Variants in ATP13A1 observed in about 807,000 individuals in gnomAD.
The protein encoded by ATP13A1 is ATPase 13A1.
ATP13A1 carries 55 observed loss-of-function variants against 134.8 expected under a neutral mutation model. That is an observed-to-expected ratio of 0.41 (90% CI 0.33 to 0.51). The LOEUF is 0.51. Among genes scored for constraint, ATP13A1 ranks in the 20% least tolerant of loss-of-function variants. The pLI is 0.29. For synonymous variants in ATP13A1, 775 were observed against 725.1 expected (o/e 1.07, Z -1.10); for missense variants, 1,389 against 1,652.8 (o/e 0.84, Z 2.77).
Position 19,659,931 on chromosome 19 carries a change from G to A in ATP13A1, c.453C>T (p.Gly151=). ...FVKVVPTPNN[G]STELVALHRN... is the part of the protein sequence containing the mutation. ...GGTGCAGGGCCACGAGCTCCGTGGA[G>A]CCATTGTTGGGGGTTGGCACCACCT... is the stretch of plus-strand genomic sequence containing the variant. Residue 151 remains glycine (G), a synonymous_variant, in exon 2 of 26, where the codon GGC becomes GGT. Transcript: ENST00000357324. The A allele has an allele frequency of 6.3e-7, 1 of 1,586,978 alleles. No individual in the cohort carries two copies. Among genetic ancestry groups the A allele is most frequent in the South Asian group, 1.1e-5 (1 of 87,488 alleles).
intron 23 of ATP13A1, 30 bp from the exon 24 acceptor site, chr19:19,646,015 C>CT: frequency 6.2e-7 from 1 of 1,607,722 alleles, no homozygotes; most frequent in Middle Eastern, 1.7e-4. Flanking sequence ...TCAGGGCCCC[C>CT]TCTCCTGCTC....
Position 19,655,521 on chromosome 19 carries a change from C to T in ATP13A1, c.1396+7G>A, listed in dbSNP as rs753228080. On this transcript the variant is annotated splice_region_variant and intron_variant, in intron 10 of 25. Transcript: ENST00000357324. This position sits in a 1 kb window ranked among gnomAD's most constrained non-coding sequence, Gnocchi z 5.7. The stretch of plus-strand genomic sequence containing the variant: ...GCGCAGGGGACCACAGAGGCCGTGG[C>T]GCTTACCTTCAATCCATACATAGGC... The T allele has an allele frequency of 2.1e-5, 34 of 1,613,944 alleles. No individual in the cohort carries two copies. The highest frequency in any genetic ancestry group is 1.1e-4 in the East Asian group (5 of 44,880).
At position 19,653,811 on chromosome 19, in the gene ATP13A1, C is replaced by T. The variant is rs1174601742; in HGVS notation, c.2073G>A (p.Lys691=). 6.4e-7 allele frequency: 1 copy of T among 1,555,180 alleles called. No homozygotes were observed. The change falls in exon 15 of 26, where the codon AAG becomes AAA. Residue 691 remains lysine (K), a synonymous_variant. Coordinates refer to ENST00000357324, the MANE Select transcript of ATP13A1 (RefSeq NM_020410.3). This position sits in a 1 kb window ranked among gnomAD's most constrained non-coding sequence, Gnocchi z 4.2. The stretch of plus-strand genomic sequence containing the variant: ...GCTGGTGAGTGAGGTGTCCCAGCTC[C>T]TTGTACCCCAGCGCCAGGACGCGGG... ...EGARVLALGY[K]ELGHLTHQQA...
chr19:19,652,685 G>A lies in ATP13A1; in HGVS notation c.2136C>T (p.Ser712=). 1 of 1,608,260 alleles carries A rather than the reference G, an allele frequency of 6.2e-7. No individual in the cohort carries two copies. The highest frequency in any genetic ancestry group is 8.5e-7 in the Non-Finnish European group (1 of 1,177,972). The change falls in exon 16 of 26, where the codon AGC becomes AGT. Residue 712 remains serine (S), a synonymous_variant. Transcript: ENST00000357324. ...REVKREALEC[S]LKFVGFIVVS... is the part of the protein sequence containing the mutation. Reference sequence around the variant, plus strand: ...CCACAATGAAGCCGACGAACTTGAGGCTGCACTCCAGGGCCTCCCGCTTGA... The same window carrying A: ...CCACAATGAAGCCGACGAACTTGAGACTGCACTCCAGGGCCTCCCGCTTGA...
rs1449359289 is a variant in ATP13A1, at chr19:19,653,818, C to T, written c.2066G>A (p.Gly689Glu). ...AGTGAGGTGTCCCAGCTCCTTGTAC[C>T]CCAGCGCCAGGACGCGGGCTCCTTC... ...SREGARVLALGYKELGHLTHQ... is the reference protein window; with the variant it reads ...SREGARVLALEYKELGHLTHQ... Residue 689 changes from glycine to glutamate, a missense_variant, in exon 15 of 26, where the codon GGG becomes GAG. Coordinates refer to ENST00000357324, the MANE Select transcript of ATP13A1 (RefSeq NM_020410.3). This position sits in a 1 kb window ranked among gnomAD's most constrained non-coding sequence, Gnocchi z 4.2. The T allele has an allele frequency of 6.4e-7, 1 of 1,556,446 alleles. No individual in the cohort carries two copies. Among genetic ancestry groups the T allele is most frequent in the South Asian group, 1.2e-5 (1 of 84,284 alleles).
intron 17 of ATP13A1, chr19:19,650,293 C>A (rs988717832): frequency 1.3e-5 from 4 of 316,256 alleles, no homozygotes; most frequent in African/African-American, 2.2e-5. Flanking sequence ...GGAAACCCCA[C>A]ACCAGGCCCT....
intron 3 of ATP13A1, among the ~76,000 whole-genome samples, chr19:19,658,692 G>C (rs989119810): frequency 6.6e-6 from 1 of 152,206 alleles, no homozygotes; most frequent in African/African-American, 2.4e-5. Flanking sequence ...TGAAGATGAA[G>C]GGAGAGGGTG....
intron 1 of ATP13A1, chr19:19,662,272 C>G (rs2062099737): frequency 1.0e-6 from 1 of 985,294 alleles, no homozygotes; most frequent in African/African-American, 1.7e-5. Flanking sequence ...TGAGCTCCTC[C>G]CCTGGGATAG....
At chr19:19,652,851 G>A (rs911011384) in intron 15 of ATP13A1, 131 bp from the exon 16 acceptor site, 21 of 1,268,766 alleles carry the variant, frequency 1.7e-5, no homozygotes, top group African/African-American at 1.1e-4. Context: ...GGGCACATGC[G>A]AGGGTTGGGA....
At chr19:19,654,753 TGCA>T in intron 12 of ATP13A1, 53 bp from the exon 13 acceptor site, 1 of 1,556,152 alleles carries the variant, frequency 6.4e-7, no homozygotes, top group Non-Finnish European at 8.7e-7. Context: ...AGGGCGAAGC[TGCA>T]TCCCCACCAG....
At position 19,659,734 on chromosome 19, in the gene ATP13A1, C is replaced by T. The variant is rs2062082276; in HGVS notation, c.544G>A (p.Asp182Asn). The change falls in exon 3 of 26, where the codon GAT (aspartate) becomes AAT (asparagine). Residue 182 changes from aspartate to asparagine, a missense_variant. Around this residue, in one of 4 missense-constraint regions of ATP13A1, gnomAD observed 293 missense variants for 270.8 expected, o/e 1.08. Transcript: ENST00000357324. Reference protein sequence around the residue: ...FEFQKIKYSYDALEKKQFLPV... With the variant: ...FEFQKIKYSYNALEKKQFLPV... ...AGAAACTGCTTCTTCTCCAGGGCAT[C>T]GTAGGAATACTTGATCTTCTGGAAT... is the stretch of plus-strand genomic sequence containing the variant. The T allele has an allele frequency of 5.0e-6, 8 of 1,613,908 alleles. No individual in the cohort carries two copies. The highest frequency in any genetic ancestry group is 2.2e-5 in the East Asian group (1 of 44,864).
chr19:19,661,685 G>A (rs1405947473), intron 1 of ATP13A1, among the ~76,000 whole-genome samples: 1 of 152,162 alleles, frequency 6.6e-6, no homozygotes, highest in African/African-American at 2.4e-5. Flanking sequence ...AATGGAACTC[G>A]TTCAGTGCTC....
At position 19,649,860 on chromosome 19, in the gene ATP13A1, C is replaced by T. The variant is rs1271778422; in HGVS notation, c.2416G>A (p.Glu806Lys). The T allele has an allele frequency of 6.2e-7, 1 of 1,603,740 alleles. No homozygotes were observed. The highest frequency in any genetic ancestry group is 1.3e-5 in the African/African-American group (1 of 74,982). The change falls in exon 18 of 26, where the codon GAG becomes AAG. Residue 806 changes from glutamate (E) to lysine (K), a missense_variant. Transcript: ENST00000357324. ...TCGCCTGTGAGGCACAGTGCGTACT[C>T]CAGGGCCAGTGCCTTTGGGGAGCCC... Reference protein sequence around the residue: ...ARGSPKALALEYALCLTGDGL... With the variant: ...ARGSPKALALKYALCLTGDGL...
Position 19,663,314 on chromosome 19 carries a change from C to A in ATP13A1, c.353G>T (p.Gly118Val), listed in dbSNP as rs1352998223. 6.3e-7 allele frequency: 1 copy of A among 1,590,842 alleles called. No homozygotes were observed. Among genetic ancestry groups the A allele is most frequent in the Admixed American group, 1.8e-5 (1 of 56,578 alleles). ...GCAATGCGCGTGCACAGACCAATGC[C>A]CCGAGAGGACAGTGAGCGCGTGCGC... The part of the protein sequence containing the change: ...CLAHALTVLS[G>V]HWSVHAHCAL... The change falls in exon 1 of 26, where the codon GGG becomes GTG. Residue 118 changes from glycine (G) to valine (V), a missense_variant. Coordinates refer to ENST00000357324, the MANE Select transcript of ATP13A1 (RefSeq NM_020410.3).
intron 3 of ATP13A1, 45 bp from the exon 4 acceptor site, chr19:19,657,453 G>T: frequency 6.5e-7 from 1 of 1,534,342 alleles, no homozygotes; most frequent in East Asian, 2.5e-5. Flanking sequence ...CAAGGCCTCT[G>T]GGGTATGGAG....
In ATP13A1 at chr19:19,646,233, G is replaced by A. The variant is rs201481329; in HGVS notation, c.3220C>T (p.Arg1074Cys). 8.7e-6 allele frequency: 14 copies of A among 1,613,922 alleles called. No homozygotes were observed. The highest frequency in any genetic ancestry group is 1.7e-5 in the Admixed American group (1 of 59,996). Residue 1074 changes from arginine (R) to cysteine (C), a missense_variant, in exon 23 of 26, where the codon CGT becomes TGT. By Grantham distance (180) the Arg-to-Cys change is radical (BLOSUM62 -3). Transcript: ENST00000357324. ...VHFLSLVYLYREAQARSPEKQ... is the reference protein window; with the variant it reads ...VHFLSLVYLYCEAQARSPEKQ... Reference sequence around the variant, plus strand: ...TCGGGGCTCCGGGCCTGGGCCTCACGGTACAGGTAGACAAGGCTCAGGAAG... The same window carrying A: ...TCGGGGCTCCGGGCCTGGGCCTCACAGTACAGGTAGACAAGGCTCAGGAAG...
intron 3 of ATP13A1, among the ~76,000 whole-genome samples, chr19:19,659,007 T>C (rs1023369016): frequency 6.6e-6 from 1 of 152,226 alleles, no homozygotes. Context: ...GCTAGACTCC[T>C]GTGAAGAACC....
chr19:19,646,547 G>A, intron 22 of ATP13A1, 200 bp from the exon 23 acceptor site: 1 of 651,604 alleles, frequency 1.5e-6, no homozygotes, highest in Admixed American at 3.0e-5. Context: ...TGCCTCCCTG[G>A]CCCCGGCTCC....
In ATP13A1 at chr19:19,655,622, G is replaced by C; in HGVS notation, c.1302C>G (p.Val434=). 6.2e-7 allele frequency: 1 copy of C among 1,613,754 alleles called. No individual in the cohort carries two copies. Among genetic ancestry groups the C allele is most frequent in the Non-Finnish European group, 8.5e-7 (1 of 1,179,812 alleles). ...GKLLRTILFG[V]KRVTANNLET... is the part of the protein sequence containing the mutation. ...CCAGGTTGTTCGCAGTCACCCTCTT[G>C]ACCCCGAAGAGGATGGTGCGCAGCA... The change falls in exon 10 of 26, where the codon GTC becomes GTG. Residue 434 remains valine, a synonymous_variant. Transcript: ENST00000357324. This position sits in a 1 kb window ranked among gnomAD's most constrained non-coding sequence, Gnocchi z 5.7.
Sources: allele counts gnomAD v4.1 joint callset (sites outside exome capture counted in the v4.1 genomes callset), GRCh38; gene constraint gnomAD v4.1.1; regional missense constraint gnomAD v4.1.1; non-coding constraint Gnocchi (gnomAD v3.1); transcripts MANE v1.5; gene names NCBI Gene and HGNC (gene_info 2026-07-23, HGNC 2026-07-21).